Variants in ASB3 observed in about 807,000 individuals in gnomAD.
ASB3 encodes the protein ankyrin repeat and SOCS box protein 3.
A neutral mutation model predicts 54.5 loss-of-function variants in ASB3; 41 were observed. The ratio of observed to expected loss-of-function variants is 0.75; its 90% confidence interval spans 0.59 to 0.98. The LOEUF (loss-of-function observed/expected upper bound fraction) is 0.98, where lower values mean the gene tolerates loss of function less well. Ranked by LOEUF, ASB3 falls within the 50% of genes least tolerant of loss-of-function variation. The pLI is 0.00. For missense variants in ASB3, 733 were observed against 620.0 expected, an observed-to-expected ratio of 1.18 and a Z score of -1.94; for synonymous variants, 266 against 221.2, an observed-to-expected ratio of 1.20 and a Z score of -1.80.
intron 5 of ASB3, among the ~76,000 whole-genome samples, chr2:53,720,487 CA>C (rs1333605308): frequency 9.2e-5 from 14 of 151,986 alleles, no homozygotes; most frequent in African/African-American, 3.4e-4. Flanking sequence ...AACAACAGTA[CA>C]AAAGGACAAA....
intron 3 of ASB3, among the ~76,000 whole-genome samples, chr2:53,748,023 T>C (rs1672320483): frequency 6.6e-6 from 1 of 152,232 alleles, no homozygotes; most frequent in African/African-American, 2.4e-5. Context: ...GATTCAAAGA[T>C]AGCTCTTCTC....
At chr2:53,704,978 T>G (rs1669690907) in intron 7 of ASB3, among the ~76,000 whole-genome samples, 1 of 152,212 alleles carries the variant, frequency 6.6e-6, no homozygotes, top group Admixed American at 6.5e-5. Flanking sequence ...GATAAGTGAC[T>G]ATTATTTCAC....
intron 9 of ASB3, among the ~76,000 whole-genome samples, chr2:53,677,055 C>A (rs898383071): frequency 6.6e-6 from 1 of 152,166 alleles, no homozygotes; most frequent in African/African-American, 2.4e-5. Flanking sequence ...AGGTGTGAGC[C>A]ACCGCGCCCG....
chr2:53,701,318 A>C (rs934082857), intron 7 of ASB3, among the ~76,000 whole-genome samples: 1 of 152,236 alleles, frequency 6.6e-6, no homozygotes, highest in African/African-American at 2.4e-5. Flanking sequence ...CACAAATTTA[A>C]TTTACAATAC....
chr2:53,723,683 CTACTT>C (rs1295949023), intron 5 of ASB3, among the ~76,000 whole-genome samples: 1 of 152,094 alleles, frequency 6.6e-6, no homozygotes, highest in East Asian at 1.9e-4. Context: ...ATTTCAAACT[CTACTT>C]TAAGGCTACA....
chr2:53,683,282 T>C (rs1015496262), intron 9 of ASB3, among the ~76,000 whole-genome samples: 2 of 152,238 alleles, frequency 1.3e-5, no homozygotes, highest in African/African-American at 2.4e-5. Context: ...GATCTGCATA[T>C]GTTGAACCAC....
chr2:53,727,131 C>T lies in ASB3; in HGVS notation c.604+1581G>A, dbSNP rs141544046. Among the ~76,000 whole-genome samples the T allele has an allele frequency of 9.0e-3, 1,369 of 152,282 alleles. 19 individuals are homozygous for T. Among genetic ancestry groups the T allele is most frequent in the South Asian group, 0.03 (145 of 4,830 alleles). ...AAACGAGTCTAGATCTTTGACAAGGCACTTAAACATTCACAGTCTGGACTC... is the reference window on the plus strand; with the variant it reads ...AAACGAGTCTAGATCTTTGACAAGGTACTTAAACATTCACAGTCTGGACTC... On this transcript the variant is annotated intron_variant, in intron 5 of 9. Transcript: ENST00000263634.
intron 3 of ASB3, among the ~76,000 whole-genome samples, chr2:53,740,183 A>G (rs1671857090): frequency 6.6e-6 from 1 of 152,216 alleles, no homozygotes; most frequent in South Asian, 2.1e-4. Context: ...TTTGAGTTCT[A>G]CATGTACTCT....
chr2:53,692,364 G>A (rs1668961752), intron 9 of ASB3, among the ~76,000 whole-genome samples: 1 of 152,148 alleles, frequency 6.6e-6, no homozygotes, highest in Non-Finnish European at 1.5e-5. Flanking sequence ...CCAAAAGATA[G>A]TTGGGATAAA....
intron 9 of ASB3, among the ~76,000 whole-genome samples, chr2:53,690,589 C>T (rs756469152): frequency 6.6e-6 from 1 of 151,860 alleles, no homozygotes; most frequent in Non-Finnish European, 1.5e-5. Flanking sequence ...ACCCAGTCAC[C>T]TAGTGTCATT....
At chr2:53,701,545 G>C (rs943142824) in intron 7 of ASB3, among the ~76,000 whole-genome samples, 20 of 152,222 alleles carry the variant, frequency 1.3e-4, no homozygotes, top group African/African-American at 4.3e-4. Flanking sequence ...TTTAGAGCCA[G>C]ATCTATGTTT....
intron 9 of ASB3, among the ~76,000 whole-genome samples, chr2:53,682,134 T>G (rs1352042093): frequency 7.0e-6 from 1 of 143,246 alleles, no homozygotes; most frequent in Non-Finnish European, 1.5e-5. Context: ...CACTTCAGCC[T>G]GGGTGACAAA....
chr2:53,747,571 C>T (rs1015086863), intron 3 of ASB3, among the ~76,000 whole-genome samples: 5 of 152,084 alleles, frequency 3.3e-5, no homozygotes, highest in African/African-American at 7.2e-5. Flanking sequence ...CAAAGCTCTG[C>T]GATAAACAAA....
intron 5 of ASB3, among the ~76,000 whole-genome samples, chr2:53,724,108 T>C (rs1018145367): frequency 6.6e-6 from 1 of 152,170 alleles, no homozygotes; most frequent in Admixed American, 6.5e-5. Flanking sequence ...TTAATCTCTT[T>C]AGATTAATTA....
intron 1 of ASB3, among the ~76,000 whole-genome samples, chr2:53,776,455 C>T (rs1436493444): frequency 6.6e-6 from 1 of 152,164 alleles, no homozygotes; most frequent in Non-Finnish European, 1.5e-5. Flanking sequence ...AGCAAAAATA[C>T]TGACTGTATT....
chr2:53,719,495 CAG>C (rs986968496), intron 5 of ASB3, among the ~76,000 whole-genome samples: 1 of 152,170 alleles, frequency 6.6e-6, no homozygotes, highest in African/African-American at 2.4e-5. Flanking sequence ...CCTCTGCGAC[CAG>C]AGACATGCTA....
At chr2:53,687,127 A>G (rs571340257) in intron 9 of ASB3, among the ~76,000 whole-genome samples, 12 of 152,328 alleles carry the variant, frequency 7.9e-5, no homozygotes, top group Admixed American at 7.8e-4. Flanking sequence ...ATCTAGTTTA[A>G]TAAGAATTTC....
chr2:53,759,762 T>A (rs755699165), intron 2 of ASB3, among the ~76,000 whole-genome samples: 1 of 152,178 alleles, frequency 6.6e-6, no homozygotes, highest in Non-Finnish European at 1.5e-5. Context: ...ATGCCCCTTA[T>A]GTCAAGGGAA....
intron 3 of ASB3, among the ~76,000 whole-genome samples, chr2:53,734,013 C>T (rs1365135319): frequency 6.6e-6 from 1 of 152,210 alleles, no homozygotes; most frequent in Non-Finnish European, 1.5e-5. Context: ...AGGCACAGAT[C>T]GGTCACGCTA....
Sources: allele counts gnomAD v4.1 joint callset (sites outside exome capture counted in the v4.1 genomes callset), GRCh38; gene constraint gnomAD v4.1.1; transcripts MANE v1.5; gene names NCBI Gene and HGNC (gene_info 2026-07-23, HGNC 2026-07-21).